Variants in SLC14A2 observed in about 807,000 individuals in gnomAD.
The protein encoded by SLC14A2 is solute carrier family 14 member 2.
In SLC14A2, 91 loss-of-function variants were observed where a neutral mutation model predicts 104.6. The ratio of observed to expected loss-of-function variants is 0.87; its 90% CI spans 0.73 to 1.04. The LOEUF is 1.04. SLC14A2 is among the 50% of genes least tolerant of loss of function. The probability of loss-of-function intolerance (pLI) is 0.00; values close to 1 mark genes in which losing one functional copy is unlikely to be tolerated. For synonymous variants in SLC14A2, 476 were observed against 466.4 expected (o/e 1.02, Z -0.27); for missense variants, 1,189 against 1,156.0 (o/e 1.03, Z -0.41).
intron 18 of SLC14A2, among the ~76,000 whole-genome samples, chr18:45,677,610 T>G (rs896265968): frequency 6.6e-6 from 1 of 152,196 alleles, no homozygotes; most frequent in Non-Finnish European, 1.5e-5. Flanking sequence ...TGCTGACACA[T>G]AGGGAATGTC....
chr18:45,670,624 G>T lies in SLC14A2; in HGVS notation c.2229+1126G>T, dbSNP rs1403576197. On this transcript the variant is annotated intron_variant, in intron 16 of 19. Coordinates refer to ENST00000255226, the MANE Select transcript of SLC14A2 (RefSeq NM_007163.4). ...AAGAGCCCTGAATTTACACTGAGAAGCACCAGTATTTAGCAAGAAAACTAT... is the reference window on the plus strand; with the variant it reads ...AAGAGCCCTGAATTTACACTGAGAATCACCAGTATTTAGCAAGAAAACTAT... Among the ~76,000 whole-genome samples, 6 of 152,254 alleles carry T rather than the reference G, an allele frequency of 3.9e-5. 1 individual carries two copies. In the South Asian group the frequency reaches 1.2e-3, roughly 32 times the overall value.
intron 1 of SLC14A2, among the ~76,000 whole-genome samples, chr18:45,296,553 C>T (rs932789025): frequency 1.3e-5 from 2 of 152,150 alleles, no homozygotes; most frequent in African/African-American, 2.4e-5. Context: ...TCCATCTTCC[C>T]GGTGACCACC....
Position 45,673,817 on chromosome 18 carries a change from G to A in SLC14A2, c.2512G>A (p.Ala838Thr), listed in dbSNP as rs200270182. 2.2e-5 allele frequency: 35 copies of A among 1,613,606 alleles called. No homozygotes were observed. In the Middle Eastern group the frequency reaches 4.9e-4, roughly 23 times the overall value. Residue 838 changes from alanine (A) to threonine (T), a missense_variant and splice_region_variant, in exon 18 of 20, where the codon GCA becomes ACA. Transcript: ENST00000255226. ...WQTHLLAIAC[A>T]LFAAYLGAAL... ...GACGCACCTCCTCGCCATCGCCTGC[G>A]GTAGGTACTCCCCACAGAGGATTTG...
At chr18:45,442,866 C>T (rs1380864538) in intron 1 of SLC14A2, among the ~76,000 whole-genome samples, 6 of 152,262 alleles carry the variant, frequency 3.9e-5, no homozygotes, top group East Asian at 3.9e-4. Context: ...AAATTCCCTC[C>T]TGTATACATC....
At chr18:45,676,481 AAATGCCCAATTTATGT>A (rs1254385417) in intron 18 of SLC14A2, among the ~76,000 whole-genome samples, 2 of 151,790 alleles carry the variant, frequency 1.3e-5, no homozygotes, top group Admixed American at 1.3e-4. Context: ...AACAAATCTT[AAATGCCCAATTTATGT>A]CAGATGTTAC....
intron 1 of SLC14A2, among the ~76,000 whole-genome samples, chr18:45,467,448 T>C (rs1275858740): frequency 3.9e-5 from 6 of 152,184 alleles, no homozygotes; most frequent in African/African-American, 1.2e-4. Context: ...GAAAGCTGGC[T>C]TCCTCTATCC....
At chr18:45,428,063 A>G (rs150125657) in intron 1 of SLC14A2, among the ~76,000 whole-genome samples, 313 of 152,296 alleles carry the variant, frequency 2.1e-3, no homozygotes, top group Non-Finnish European at 3.5e-3. Flanking sequence ...ACTGAAGGCC[A>G]CTCATTACAT....
chr18:45,413,544 C>A lies in SLC14A2; in HGVS notation c.-124-69689C>A, dbSNP rs1361587017. Reference sequence around the variant, plus strand: ...GACTCAGACCCTAGTTCCTGACTTTCAGTGTGGCACTCTTTCCTCTCCCTG... The same window carrying A: ...GACTCAGACCCTAGTTCCTGACTTTAAGTGTGGCACTCTTTCCTCTCCCTG... On this transcript the variant is annotated intron_variant, in intron 1 of 20. Transcript: ENST00000586448. Among the ~76,000 whole-genome samples the A allele has an allele frequency of 2.6e-5, 4 of 152,050 alleles. No individual in the cohort carries two copies. The East Asian group carries it at 7.7e-4, about 29-fold the overall frequency.
At chr18:45,679,094 G>A in intron 19 of SLC14A2, 70 bp downstream of exon 19, 1 of 1,406,182 alleles carries the variant, frequency 7.1e-7, no homozygotes, top group Non-Finnish European at 1.0e-6. Context: ...CCCCAAACCT[G>A]CTGAAAACCT....
At chr18:45,654,642 G>C (rs1568316083) in intron 10 of SLC14A2, among the ~76,000 whole-genome samples, 1 of 152,164 alleles carries the variant, frequency 6.6e-6, no homozygotes, top group Non-Finnish European at 1.5e-5. Context: ...GATTTTGGAA[G>C]CTTCGAGCTG....
intron 5 of SLC14A2, among the ~76,000 whole-genome samples, chr18:45,635,383 G>A (rs984876610): frequency 2.0e-5 from 3 of 152,176 alleles, no homozygotes; most frequent in Admixed American, 6.5e-5. Flanking sequence ...TGGCAAGAGA[G>A]GGGAAAAACC....
At chr18:45,515,144 C>A (rs1177816616) in intron 2 of SLC14A2, among the ~76,000 whole-genome samples, 1 of 152,162 alleles carries the variant, frequency 6.6e-6, no homozygotes, top group Non-Finnish European at 1.5e-5. Flanking sequence ...CAGTGTCTGA[C>A]ACTAAGTAGT....
rs548752666 is a variant in SLC14A2 at position 45,249,418 on chromosome 18, GT to G, written c.-125+36237del. On this transcript the variant is annotated intron_variant, in intron 1 of 20. Coordinates refer to the SLC14A2 transcript ENST00000586448. ...TTGTGCTATTTACTTTCTAAGCATT[GT>G]TTTTTTTTTAATATTCTCAAAAATT... 3.2e-4 allele frequency among the ~76,000 whole-genome samples: 47 copies of G among 146,486 alleles called. 1 individual carries two copies. Among genetic ancestry groups the G allele is most frequent in the African/African-American group, 6.5e-4 (26 of 39,948 alleles).
chr18:45,259,249 T>G (rs2144094429), intron 1 of SLC14A2, among the ~76,000 whole-genome samples: 1 of 152,300 alleles, frequency 6.6e-6, no homozygotes, highest in Admixed American at 6.5e-5. Flanking sequence ...GCAATAAAGT[T>G]CCTTGGAATC....
intron 1 of SLC14A2, among the ~76,000 whole-genome samples, chr18:45,414,757 A>AAAAAAAAAT (rs1360051908): frequency 3.2e-4 from 24 of 76,102 alleles, no homozygotes; most frequent in East Asian, 2.3e-3. Flanking sequence ...AAAAAAAAAA[A>AAAAAAAAAT]ATATATATAT....
intron 1 of SLC14A2, among the ~76,000 whole-genome samples, chr18:45,246,935 A>T (rs1419597095): frequency 6.6e-6 from 1 of 152,202 alleles, no homozygotes; most frequent in African/African-American, 2.4e-5. Context: ...CAGAGATAAG[A>T]TAGCTTGTTC....
chr18:45,482,978 C>T (rs530108030), intron 1 of SLC14A2, among the ~76,000 whole-genome samples: 53 of 152,066 alleles, frequency 3.5e-4, no homozygotes, highest in African/African-American at 1.1e-3. Context: ...AAACTAAGAC[C>T]GATAGAAAAT....
At chr18:45,280,956 G>A (rs2084756404) in intron 1 of SLC14A2, among the ~76,000 whole-genome samples, 1 of 151,842 alleles carries the variant, frequency 6.6e-6, no homozygotes, top group Admixed American at 6.6e-5. Flanking sequence ...TTCCTGTGCA[G>A]GCTTGTCAAT....
At chr18:45,643,296 C>A in intron 9 of SLC14A2, 115 bp downstream of exon 9, 1 of 864,508 alleles carries the variant, frequency 1.2e-6, no homozygotes, top group Non-Finnish European at 2.0e-6. Context: ...AGCTGGTGCT[C>A]ACACGACATC....
Sources: gnomAD v4.1 joint callset for allele counts (sites outside exome capture counted in the v4.1 genomes callset) on GRCh38, gnomAD v4.1.1 for gene constraint, MANE v1.5 for transcripts, NCBI Gene and HGNC (gene_info 2026-07-23, HGNC 2026-07-21) for gene names.